The following GUCA1C variants were observed in gnomAD, a reference collection of about 807,000 sequenced individuals.
GUCA1C encodes the protein guanylyl cyclase-activating protein 3.
GUCA1C carries 15 observed loss-of-function variants against 16.2 expected under a neutral mutation model. That is an observed-to-expected ratio of 0.93 (90% CI 0.62 to 1.43). GUCA1C has a LOEUF of 1.43. GUCA1C is among the 40% of genes most tolerant of loss of function. The pLI, the probability that GUCA1C is intolerant of heterozygous loss-of-function variation, is 0.00. For missense variants in GUCA1C, 275 were observed against 244.8 expected (o/e 1.12, Z -0.82); for synonymous variants, 78 against 85.4 (o/e 0.91, Z 0.48).
rs59451506 is a variant in GUCA1C at position 108,931,865 on chromosome 3, C to CTTTTTT, written c.205-11286_205-11281dup. Among the ~76,000 whole-genome samples, 207 of 110,124 alleles carry CTTTTTT rather than the reference C, an allele frequency of 1.9e-3. 19 individuals carry two copies. Among genetic ancestry groups the CTTTTTT allele is most frequent in the Middle Eastern group, 5.9e-3 (1 of 170 alleles). 72.2% of individuals were successfully genotyped at this position (110,124 alleles called of 152,430 possible). A position where few individuals can be genotyped will look rare whatever the true frequency, so the allele number is the denominator to read the frequency against. ...AAGGGAACAGTTTTTTTTCTTCCTT[C>CTTTTTT]TTTTTTTTTTTTTTTTTTTTTGAGA... On this transcript the variant is annotated intron_variant, in intron 1 of 3. Transcript: ENST00000261047.
At chr3:108,909,020 G>A (rs77126503) in intron 3 of GUCA1C, among the ~76,000 whole-genome samples, 1 of 152,154 alleles carries the variant, frequency 6.6e-6, no homozygotes, top group Non-Finnish European at 1.5e-5. Flanking sequence ...GACGGACGGA[G>A]TGCATTCAAG....
chr3:108,907,976 A>G lies in GUCA1C; in HGVS notation c.*46T>C, dbSNP rs376655995. ...ATGGGGAAGATTCTATTTCTTCTCTACTGAAATGTTGTGCTCATTGATAGC... is the reference window on the plus strand; with the variant it reads ...ATGGGGAAGATTCTATTTCTTCTCTGCTGAAATGTTGTGCTCATTGATAGC... On this transcript the variant is annotated 3_prime_UTR_variant, in exon 4 of 4. Coordinates refer to ENST00000261047, the MANE Select transcript of GUCA1C (RefSeq NM_005459.4). 3 of 1,358,676 alleles carry G rather than the reference A, an allele frequency of 2.2e-6. No individual in the cohort carries two copies. Among genetic ancestry groups the G allele is most frequent in the South Asian group, 2.5e-5 (2 of 78,892 alleles). The allele number at this position is 1,358,676 out of a possible 1,614,324, so 84.2% of individuals were successfully genotyped here.
Position 108,920,586 on chromosome 3 carries a change from C to G in GUCA1C, c.205-1G>C. The G allele has an allele frequency of 6.9e-7, 1 of 1,439,930 alleles. No homozygotes were observed. Among genetic ancestry groups the G allele is most frequent in the Non-Finnish European group, 9.7e-7 (1 of 1,027,484 alleles). 89.2% of individuals were successfully genotyped at this position (1,439,930 alleles called of 1,614,324 possible). On this transcript the variant is annotated splice_acceptor_variant, in intron 1 of 3. Transcript: ENST00000261047. LOFTEE classifies it high-confidence loss of function. ...ACTCCAAAAAGTCAACAAATCCATC[C>G]TATGGAAAGTAAGATGAAAAGAGAA...
In GUCA1C at chr3:108,949,294, T is replaced by A. The variant is rs145515251; in HGVS notation, c.204+4265A>T. On this transcript the variant is annotated intron_variant, in intron 1 of 3. Coordinates refer to ENST00000261047, the MANE Select transcript of GUCA1C (RefSeq NM_005459.4). ...TGTGGAAGGAAACAGGGAGGGAGTCTGTAACAGTTGAGCCAGCTGTCAGAC... is the reference window on the plus strand; with the variant it reads ...TGTGGAAGGAAACAGGGAGGGAGTCAGTAACAGTTGAGCCAGCTGTCAGAC... 1.9e-3 allele frequency among the ~76,000 whole-genome samples: 286 copies of A among 152,334 alleles called. 7 individuals are homozygous for A. Among genetic ancestry groups the A allele is most frequent in the African/African-American group, 6.6e-3 (276 of 41,574 alleles).
rs537977187 is a variant in GUCA1C, at chr3:108,915,611, GA to G, written c.442+515del. Reference sequence around the variant, plus strand: ...AATAATCAGAGCAGAAATGTAGATAGAAAAGGTAGAAAAAGCAGAAATGGAG... The same window carrying G: ...AATAATCAGAGCAGAAATGTAGATAGAAAGGTAGAAAAAGCAGAAATGGAG... On this transcript the variant is annotated intron_variant, in intron 3 of 3. Transcript: ENST00000261047. 2.0e-3 allele frequency among the ~76,000 whole-genome samples: 304 copies of G among 152,246 alleles called. 1 individual carries two copies. The highest frequency in any genetic ancestry group is 6.8e-3 in the African/African-American group (283 of 41,556).
At chr3:108,939,770 A>C (rs1458505629) in intron 1 of GUCA1C, among the ~76,000 whole-genome samples, 2 of 152,090 alleles carry the variant, frequency 1.3e-5, no homozygotes, top group East Asian at 3.9e-4. Flanking sequence ...TCTGTCACTT[A>C]GACTGCGGTC....
chr3:108,920,354 A>G, intron 2 of GUCA1C, 82 bp downstream of exon 2: 1 of 985,336 alleles, frequency 1.0e-6, no homozygotes, highest in East Asian at 2.4e-5. Context: ...AACCCCATAG[A>G]CAGCTGTTAC....
chr3:108,947,053 G>A (rs1946850976), intron 1 of GUCA1C, among the ~76,000 whole-genome samples: 1 of 152,104 alleles, frequency 6.6e-6, no homozygotes, highest in Non-Finnish European at 1.5e-5. Flanking sequence ...TGATAAGTAT[G>A]TGAGATGATG....
rs1355264594 is a variant in GUCA1C, at chr3:108,916,222, A to G, written c.355-8T>C. On this transcript the variant is annotated splice_polypyrimidine_tract_variant and splice_region_variant and intron_variant, in intron 2 of 3. Coordinates refer to ENST00000261047, the MANE Select transcript of GUCA1C (RefSeq NM_005459.4). ...ATTGAGGGCTTGTACCGCCTGCAAA[A>G]AGACATTAAATGAAAGAGGTCAACT... 1 of 1,603,860 alleles carries G rather than the reference A, an allele frequency of 6.2e-7. No individual in the cohort carries two copies. The highest frequency in any genetic ancestry group is 1.8e-5 in the Admixed American group (1 of 56,698).
rs2107267683 is a variant in GUCA1C at position 108,908,040 on chromosome 3, C to G, written c.612G>C (p.Gly204=). Residue 204 remains glycine (G), a synonymous_variant, in exon 4 of 4, where the codon GGG becomes GGC. Coordinates refer to ENST00000261047, the MANE Select transcript of GUCA1C (RefSeq NM_005459.4). ...SSKSPDKAGL[G]KVKMK is the part of the protein sequence containing the mutation. ...CTCACAGCTACTTCATTTTCACCTT[C>G]CCTAGACCAGCCTTGTCAGGAGATT... 1 of 1,613,568 alleles carries G rather than the reference C, an allele frequency of 6.2e-7. No homozygotes were observed. Among genetic ancestry groups the G allele is most frequent in the Non-Finnish European group, 8.5e-7 (1 of 1,179,660 alleles).
intron 1 of GUCA1C, among the ~76,000 whole-genome samples, chr3:108,928,135 G>C (rs780870183): frequency 6.6e-6 from 1 of 152,186 alleles, no homozygotes; most frequent in Non-Finnish European, 1.5e-5. Context: ...TGGTGATCTA[G>C]TTCTTTCAAA....
At chr3:108,953,420 G>A in intron 1 of GUCA1C, 139 bp downstream of exon 1, 1 of 623,050 alleles carries the variant, frequency 1.6e-6, no homozygotes, top group East Asian at 2.7e-5. Flanking sequence ...TTACCTACAA[G>A]CTGTGAGTTG....
intron 1 of GUCA1C, among the ~76,000 whole-genome samples, chr3:108,935,182 G>A (rs1399439280): frequency 6.6e-6 from 1 of 151,908 alleles, no homozygotes; most frequent in Non-Finnish European, 1.5e-5. Context: ...AATAGAAACT[G>A]GGGACTACTG....
chr3:108,942,500 G>GA, intron 1 of GUCA1C, among the ~76,000 whole-genome samples: 1 of 152,296 alleles, frequency 6.6e-6, no homozygotes, highest in East Asian at 1.9e-4. Flanking sequence ...CGAGGGAACA[G>GA]AAAATCATGT....
chr3:108,942,169 A>G (rs1256988851), intron 1 of GUCA1C, among the ~76,000 whole-genome samples: 1 of 152,244 alleles, frequency 6.6e-6, no homozygotes, highest in Non-Finnish European at 1.5e-5. Flanking sequence ...GAAAAATAGT[A>G]TCTACTCTAT....
At chr3:108,954,025 C>T (rs147494463), upstream of GUCA1C, 1,184 of 460,554 alleles carry the variant, frequency 2.6e-3, 4 homozygotes, top group Admixed American at 5.6e-3. Flanking sequence ...GAAGGGAACA[C>T]GCAATATTTT....
intron 1 of GUCA1C, among the ~76,000 whole-genome samples, chr3:108,928,537 T>C (rs537032134): frequency 1.3e-5 from 2 of 152,354 alleles, no homozygotes; most frequent in Admixed American, 1.3e-4. Context: ...CTAGATTTTC[T>C]CCTAAGTTAT....
At chr3:108,938,661 A>G (rs539396035) in intron 1 of GUCA1C, among the ~76,000 whole-genome samples, 7 of 152,236 alleles carry the variant, frequency 4.6e-5, no homozygotes, top group Non-Finnish European at 1.0e-4. Flanking sequence ...TCTATGAAAC[A>G]TGGAATTGCT....
intron 1 of GUCA1C, among the ~76,000 whole-genome samples, chr3:108,939,949 C>T (rs1289562205): frequency 6.6e-6 from 1 of 152,176 alleles, no homozygotes; most frequent in Non-Finnish European, 1.5e-5. Context: ...TGAAGAACCA[C>T]AATTTCAATA....
Sources: allele counts gnomAD v4.1 joint callset (sites outside exome capture counted in the v4.1 genomes callset), GRCh38; gene constraint gnomAD v4.1.1; transcripts MANE v1.5; gene names NCBI Gene and HGNC (gene_info 2026-07-23, HGNC 2026-07-21).